ARHGEF3: variants seen among roughly 807,000 people sequenced by gnomAD.
ARHGEF3 encodes 59.8 kDA protein.
A neutral mutation model predicts 63.2 loss-of-function variants in ARHGEF3; 28 were observed. The observed-to-expected ratio is 0.44, with a 90% CI of 0.33 to 0.61. ARHGEF3 has a LOEUF of 0.61. Ranked by LOEUF, ARHGEF3 falls within the 20% of genes least tolerant of loss-of-function variation. The probability of loss-of-function intolerance (pLI) is 0.03; values close to 1 mark genes in which losing one functional copy is unlikely to be tolerated. For missense variants in ARHGEF3, 533 were observed against 659.3 expected (o/e 0.81, Z 2.10); for synonymous variants, 266 against 254.2 (o/e 1.05, Z -0.44).
intron 2 of ARHGEF3, among the ~76,000 whole-genome samples, chr3:56,756,074 T>C (rs573660304): frequency 6.6e-6 from 1 of 152,360 alleles, no homozygotes; most frequent in South Asian, 2.1e-4. Context: ...TTCCTGTCCC[T>C]GAGGTATTTT....
intron 9 of ARHGEF3, among the ~76,000 whole-genome samples, chr3:56,730,129 T>C (rs1401897050): frequency 6.6e-6 from 1 of 152,200 alleles, no homozygotes; most frequent in Non-Finnish European, 1.5e-5. Context: ...GATCTAAAAG[T>C]CGTTTCATAA....
intron 1 of ARHGEF3, among the ~76,000 whole-genome samples, chr3:56,774,050 G>C (rs2036157782): frequency 6.6e-6 from 1 of 152,134 alleles, no homozygotes; most frequent in Non-Finnish European, 1.5e-5. Flanking sequence ...AGACAGAAAA[G>C]GGGCAGGGAT....
At chr3:57,071,878 A>AGGAACT (rs1260796192) in intron 1 of ARHGEF3, among the ~76,000 whole-genome samples, 22 of 152,358 alleles carry the variant, frequency 1.4e-4, no homozygotes, top group African/African-American at 4.8e-4. Flanking sequence ...ATAGCTGATA[A>AGGAACT]GGAACTGAAC....
chr3:56,801,927 T>A lies in ARHGEF3; in HGVS notation c.-129A>T. 6.5e-7 allele frequency: 1 copy of A among 1,539,588 alleles called. No homozygotes were observed. The highest frequency in any genetic ancestry group is 8.7e-7 in the Non-Finnish European group (1 of 1,145,720). On this transcript the variant is annotated 5_prime_UTR_variant, in exon 1 of 10. It adds an upstream start codon to the 5' untranslated region. Coordinates refer to ENST00000296315, the MANE Select transcript of ARHGEF3 (RefSeq NM_019555.3). ...GGCGACACGGAGACCGACAGCCGGC[T>A]TCTAGCCGGGCAGGACTCGACTGGG...
At chr3:56,968,623 C>T (rs1374597179) in intron 2 of ARHGEF3, among the ~76,000 whole-genome samples, 1 of 151,206 alleles carries the variant, frequency 6.6e-6, no homozygotes, top group African/African-American at 2.4e-5. Context: ...GCCACCATAC[C>T]CAGCCTATTA....
intron 2 of ARHGEF3, among the ~76,000 whole-genome samples, chr3:56,771,353 A>T (rs1468377600): frequency 6.6e-6 from 1 of 152,146 alleles, no homozygotes; most frequent in African/African-American, 2.4e-5. Context: ...GAAGAAAGAA[A>T]TTTTGCCTGA....
chr3:57,064,336 T>C (rs1055281197), intron 1 of ARHGEF3, among the ~76,000 whole-genome samples: 1 of 152,100 alleles, frequency 6.6e-6, no homozygotes, highest in Non-Finnish European at 1.5e-5. Flanking sequence ...TTTTTTTCTT[T>C]TTTTGGAGAC....
chr3:56,752,475 T>C (rs2034830225), intron 4 of ARHGEF3, among the ~76,000 whole-genome samples: 1 of 152,248 alleles, frequency 6.6e-6, no homozygotes, highest in Non-Finnish European at 1.5e-5. Flanking sequence ...AAGGGAAGTT[T>C]TGAAGATAAG....
At chr3:56,881,997 A>T (rs2040781055) in intron 4 of ARHGEF3, among the ~76,000 whole-genome samples, 1 of 152,242 alleles carries the variant, frequency 6.6e-6, no homozygotes, top group African/African-American at 2.4e-5. Context: ...ACCAGCCTCT[A>T]AAAGAGTACA....
At chr3:56,958,464 G>T (rs1350419134) in intron 3 of ARHGEF3, among the ~76,000 whole-genome samples, 1 of 138,448 alleles carries the variant, frequency 7.2e-6, no homozygotes, top group Non-Finnish European at 1.7e-5. Flanking sequence ...GAGTAGCTAG[G>T]ACTACAGGCA....
intron 4 of ARHGEF3, among the ~76,000 whole-genome samples, chr3:56,831,113 G>GGA (rs1473733929): frequency 6.6e-6 from 1 of 152,160 alleles, no homozygotes; most frequent in African/African-American, 2.4e-5. Context: ...AGCCCAGAAT[G>GGA]GAGTCCAATA....
intron 3 of ARHGEF3, among the ~76,000 whole-genome samples, chr3:56,898,217 T>C (rs1201337654): frequency 6.6e-6 from 1 of 152,040 alleles, no homozygotes; most frequent in East Asian, 1.9e-4. Context: ...ATGTCTTATT[T>C]ATTTATTTAT....
chr3:57,044,390 C>T (rs1276321343), intron 1 of ARHGEF3, among the ~76,000 whole-genome samples: 3 of 152,136 alleles, frequency 2.0e-5, no homozygotes, highest in Non-Finnish European at 2.9e-5. Context: ...AGTACCCAGC[C>T]GAGTCCGTAA....
At chr3:56,822,371 G>T (rs900362865) in intron 4 of ARHGEF3, among the ~76,000 whole-genome samples, 5 of 152,162 alleles carry the variant, frequency 3.3e-5, no homozygotes, top group African/African-American at 1.2e-4. Context: ...AGGCAATAGG[G>T]AATGTTTAAT....
intron 2 of ARHGEF3, among the ~76,000 whole-genome samples, chr3:56,971,578 G>A (rs560538645): frequency 3.3e-5 from 5 of 152,060 alleles, no homozygotes; most frequent in African/African-American, 1.2e-4. Context: ...AAGGCCGGGC[G>A]CGGTGGCTCA....
At chr3:57,020,539 G>A (rs961940742) in intron 2 of ARHGEF3, among the ~76,000 whole-genome samples, 1 of 152,176 alleles carries the variant, frequency 6.6e-6, no homozygotes, top group African/African-American at 2.4e-5. Context: ...CGAAGCCCAC[G>A]TTGTGAACAA....
At chr3:56,971,257 G>A (rs1700898801) in intron 2 of ARHGEF3, among the ~76,000 whole-genome samples, 1 of 152,108 alleles carries the variant, frequency 6.6e-6, no homozygotes, top group African/African-American at 2.4e-5. Context: ...ATGCATAGTG[G>A]AAGCCATCTC....
At chr3:56,947,989 C>G (rs997571076) in intron 3 of ARHGEF3, among the ~76,000 whole-genome samples, 3 of 152,156 alleles carry the variant, frequency 2.0e-5, no homozygotes, top group Admixed American at 1.3e-4. Flanking sequence ...CAAAACCGCT[C>G]AACTACATGG....
chr3:57,067,525 G>A (rs1157365764), intron 1 of ARHGEF3, among the ~76,000 whole-genome samples: 2 of 149,290 alleles, frequency 1.3e-5, no homozygotes, highest in Non-Finnish European at 3.0e-5. Context: ...TATCATAGTA[G>A]ATATATTTGT....
Sources: gnomAD v4.1 joint callset for allele counts (sites outside exome capture counted in the v4.1 genomes callset) on GRCh38, gnomAD v4.1.1 for gene constraint, MANE v1.5 for transcripts, NCBI Gene and HGNC (gene_info 2026-07-23, HGNC 2026-07-21) for gene names.